SEPTIN14: variants seen among roughly 807,000 people sequenced by gnomAD.
SEPTIN14 encodes the protein septin-14.
Under a neutral mutation model 53.6 loss-of-function variants are expected in SEPTIN14, and 40 were observed. The ratio of observed to expected loss-of-function variants is 0.75; its 90% CI spans 0.58 to 0.97. The LOEUF (loss-of-function observed/expected upper bound fraction) is 0.97, where lower values mean the gene tolerates loss of function less well. Ranked by LOEUF, SEPTIN14 falls within the 50% of genes least tolerant of loss-of-function variation. SEPTIN14 has a pLI of 0.00. For synonymous variants in SEPTIN14, 138 were observed against 166.8 expected, an observed-to-expected ratio of 0.83 and a Z score of 1.33; for missense variants, 471 against 508.2, an observed-to-expected ratio of 0.93 and a Z score of 0.70.
intron 3 of SEPTIN14, among the ~76,000 whole-genome samples, chr7:55,846,067 A>G (rs532535329): frequency 1.9e-5 from 2 of 104,056 alleles, no homozygotes; most frequent in African/African-American, 3.3e-5. Flanking sequence ...AAAAAAAAGT[A>G]TATATATATA....
At chr7:55,849,122 C>T (rs1584271912) in intron 2 of SEPTIN14, among the ~76,000 whole-genome samples, 2 of 150,912 alleles carry the variant, frequency 1.3e-5, no homozygotes, top group South Asian at 2.1e-4. Flanking sequence ...GTTAGGAGTT[C>T]GAGACCAGCC....
intron 2 of SEPTIN14, among the ~76,000 whole-genome samples, chr7:55,851,886 T>C (rs1402156851): frequency 1.3e-5 from 2 of 152,226 alleles, no homozygotes; most frequent in East Asian, 3.9e-4. Flanking sequence ...CTCACGCCTG[T>C]AATCCCAGCA....
intron 2 of SEPTIN14, among the ~76,000 whole-genome samples, chr7:55,860,149 A>C (rs960286629): frequency 6.6e-6 from 1 of 150,516 alleles, no homozygotes; most frequent in Non-Finnish European, 1.5e-5. Context: ...ATTGCACTCC[A>C]GCCTGGGCAA....
chr7:55,824,957 C>T (rs1276702558), intron 6 of SEPTIN14, among the ~76,000 whole-genome samples: 2 of 152,138 alleles, frequency 1.3e-5, no homozygotes, highest in East Asian at 1.9e-4. Context: ...CGAAACTAAA[C>T]GTACTTTTAC....
intron 6 of SEPTIN14, among the ~76,000 whole-genome samples, chr7:55,829,767 G>C (rs1263963281): frequency 7.8e-6 from 1 of 128,992 alleles, no homozygotes; most frequent in Non-Finnish European, 1.5e-5. Context: ...GTTGCAGTGA[G>C]CCGAGATAGC....
intron 5 of SEPTIN14, among the ~76,000 whole-genome samples, chr7:55,842,106 C>G (rs554415313): frequency 6.6e-6 from 1 of 152,082 alleles, no homozygotes; most frequent in South Asian, 2.1e-4. Flanking sequence ...CCGTACAGTA[C>G]CATGCTGTCC....
chr7:55,862,050 T>G, intron 1 of SEPTIN14, 39 bp from the exon 2 acceptor site: 1 of 1,242,968 alleles, frequency 8.0e-7, no homozygotes, highest in Non-Finnish European at 1.1e-6. Flanking sequence ...AAAAATTTCT[T>G]ACAAAGGCTA....
chr7:55,824,948 G>A (rs374655887), intron 6 of SEPTIN14, among the ~76,000 whole-genome samples: 6 of 151,970 alleles, frequency 3.9e-5, no homozygotes, highest in African/African-American at 1.2e-4. Flanking sequence ...AGTTTCTTTC[G>A]AAACTAAACG....
chr7:55,807,830 G>T (rs1409932040), intron 7 of SEPTIN14, among the ~76,000 whole-genome samples: 2 of 152,022 alleles, frequency 1.3e-5, no homozygotes, highest in African/African-American at 4.8e-5. Context: ...CATGCAATTA[G>T]AAACTAAAAG....
At chr7:55,810,337 A>G (rs1264841765) in intron 7 of SEPTIN14, among the ~76,000 whole-genome samples, 1 of 152,100 alleles carries the variant, frequency 6.6e-6, no homozygotes, top group Non-Finnish European at 1.5e-5. Context: ...TGTTAGAGTA[A>G]TATCAAAAAT....
chr7:55,813,213 G>C (rs994526025), intron 7 of SEPTIN14, among the ~76,000 whole-genome samples: 1 of 152,126 alleles, frequency 6.6e-6, no homozygotes, highest in African/African-American at 2.4e-5. Flanking sequence ...GCCTCCTAAA[G>C]TGCTGGGACT....
intron 7 of SEPTIN14, among the ~76,000 whole-genome samples, chr7:55,816,066 G>C (rs1009138012): frequency 6.6e-6 from 1 of 152,140 alleles, no homozygotes; most frequent in Non-Finnish European, 1.5e-5. Flanking sequence ...ATGGAACTGA[G>C]GACATTCTGT....
In SEPTIN14 at chr7:55,844,630, ATT is replaced by A; in HGVS notation, c.262_263del (p.Asn88CysfsTer9). ...CATATGTCTGAATTTGAAGTCCAAC[ATT>A]TGAGTAAAAATGTGAGGATTTGTTA... ...KDNKSSHFYSNVGLQIQTYEL... is the reference protein window; with the variant it reads ...KDNKSSHFYSXVGLQIQTYEL... On this transcript the variant is annotated frameshift_variant, in exon 4 of 10. Coordinates refer to ENST00000388975, the MANE Select transcript of SEPTIN14 (RefSeq NM_207366.3). LOFTEE classifies it high-confidence loss of function. 1 of 1,610,356 alleles carries A rather than the reference ATT, an allele frequency of 6.2e-7. No homozygotes were observed. The highest frequency in any genetic ancestry group is 8.5e-7 in the Non-Finnish European group (1 of 1,176,970).
Position 55,807,232 on chromosome 7 carries a change from CGAAGTCACAGT to C in SEPTIN14, c.833_843del (p.His278ArgfsTer2). The C allele has an allele frequency of 1.3e-6, 2 of 1,583,518 alleles. No individual in the cohort carries two copies. The highest frequency in any genetic ancestry group is 2.4e-5 in the South Asian group (2 of 84,912). ...CAAAGAAGCATATCTCGGAGCTTAA[CGAAGTCACAGT>C]GATTTTCATTTTCCACTAGTAAAAA... On this transcript the variant is annotated frameshift_variant, in exon 8 of 10. Transcript: ENST00000388975. LOFTEE classifies it high-confidence loss of function.
At chr7:55,842,769 C>T (rs1398497168) in intron 5 of SEPTIN14, among the ~76,000 whole-genome samples, 173 bp downstream of exon 5, 6 of 151,824 alleles carry the variant, frequency 4.0e-5, no homozygotes, top group Non-Finnish European at 7.4e-5. Flanking sequence ...AAAAATTAGC[C>T]GGGCGTGGTG....
chr7:55,853,998 G>A (rs759010789), intron 2 of SEPTIN14, among the ~76,000 whole-genome samples: 1 of 151,972 alleles, frequency 6.6e-6, no homozygotes, highest in Non-Finnish European at 1.5e-5. Flanking sequence ...GTACATGCTC[G>A]TCGTCCCAGC....
At chr7:55,818,229 T>A (rs1788828573) in intron 7 of SEPTIN14, among the ~76,000 whole-genome samples, 1 of 152,124 alleles carries the variant, frequency 6.6e-6, no homozygotes, top group Admixed American at 6.5e-5. Flanking sequence ...CCCAGCACTT[T>A]GGGAGGCCGA....
In SEPTIN14 at chr7:55,846,576, G is replaced by T; in HGVS notation, c.116C>A (p.Pro39His). 1 of 1,582,890 alleles carries T rather than the reference G, an allele frequency of 6.3e-7. No homozygotes were observed. The highest frequency in any genetic ancestry group is 8.7e-7 in the Non-Finnish European group (1 of 1,154,022). ...GATAGATCTGCTCACCAACTGATTG[G>T]GCAAACATTCAAAACCAAAATGTCC... is the stretch of plus-strand genomic sequence containing the variant. ...TIGHFGFECL[P>H]NQLVSRSIRQ... is the part of the protein sequence containing the mutation. The change falls in exon 3 of 10, where the codon CCC becomes CAC. Residue 39 changes from proline to histidine, a missense_variant. Pro to His is a moderately conservative substitution (Grantham distance 77, BLOSUM62 -2). Coordinates refer to ENST00000388975, the MANE Select transcript of SEPTIN14 (RefSeq NM_207366.3).
intron 6 of SEPTIN14, among the ~76,000 whole-genome samples, chr7:55,830,433 G>A (rs2116022634): frequency 7.1e-6 from 1 of 140,570 alleles, no homozygotes; most frequent in Admixed American, 7.7e-5. Context: ...TGCAAGCTCC[G>A]CCTCTCGGGT....
Sources: allele counts gnomAD v4.1 joint callset (sites outside exome capture counted in the v4.1 genomes callset), GRCh38; gene constraint gnomAD v4.1.1; transcripts MANE v1.5; gene names NCBI Gene and HGNC (gene_info 2026-07-23, HGNC 2026-07-21).